The following DAB2 variants were observed in gnomAD, a reference collection of about 807,000 sequenced individuals.
DAB2 encodes the protein DAB adaptor protein 2.
Under a neutral mutation model 71.6 loss-of-function variants are expected in DAB2, and 28 were observed. The observed-to-expected ratio is 0.39, with a 90% CI of 0.29 to 0.54. DAB2 has a LOEUF of 0.54. Ranked by LOEUF, DAB2 falls within the 20% of genes least tolerant of loss-of-function variation. The pLI, the probability that DAB2 is intolerant of heterozygous loss-of-function variation, is 0.68. For missense variants in DAB2, 867 were observed against 928.8 expected (o/e 0.93, Z 0.86); for synonymous variants, 345 against 339.7 (o/e 1.02, Z -0.17).
intron 5 of DAB2, 137 bp downstream of exon 5, chr5:39,390,306 TA>T: frequency 8.8e-7 from 1 of 1,140,446 alleles, no homozygotes; most frequent in Non-Finnish European, 1.2e-6. Context: ...CATAGGCCAA[TA>T]AAAATAGTCA....
intron 1 of DAB2, among the ~76,000 whole-genome samples, chr5:39,419,953 A>G (rs1445716477): frequency 6.6e-6 from 1 of 152,188 alleles, no homozygotes; most frequent in East Asian, 1.9e-4. Context: ...AAGGAATTCA[A>G]ATACTTTGTT....
Position 39,377,169 on chromosome 5 carries a change from A to G in DAB2, c.1618T>C (p.Phe540Leu), listed in dbSNP as rs772951174. The stretch of plus-strand genomic sequence containing the variant: ...GTACCAAAAATGACGGGCTGACTAA[A>G]ACCTGAAGGTTGACCACCCATCATG... ...GAMMGGQPSG[F>L]SQPVIFGTSP... is the part of the protein sequence containing the mutation. The change falls in exon 12 of 15, where the codon TTT becomes CTT. Residue 540 changes from phenylalanine (F) to leucine (L), a missense_variant. Transcript: ENST00000320816. 6.2e-7 allele frequency: 1 copy of G among 1,614,124 alleles called. No individual in the cohort carries two copies.
chr5:39,398,384 G>T (rs868100556), intron 1 of DAB2, among the ~76,000 whole-genome samples: 10 of 152,246 alleles, frequency 6.6e-5, no homozygotes, highest in African/African-American at 2.2e-4. Flanking sequence ...TCTCTGTTCA[G>T]ATATTTAAAT....
intron 1 of DAB2, among the ~76,000 whole-genome samples, chr5:39,409,627 A>G (rs1016137253): frequency 2.6e-5 from 4 of 152,198 alleles, no homozygotes; most frequent in African/African-American, 9.7e-5. Flanking sequence ...ATCACCATTG[A>G]CTGGTCTACC....
intron 4 of DAB2, among the ~76,000 whole-genome samples, 198 bp from the exon 5 acceptor site, chr5:39,390,773 G>A (rs796567261): frequency 6.6e-6 from 1 of 152,122 alleles, no homozygotes; most frequent in Admixed American, 6.5e-5. Flanking sequence ...AATAGAAAAC[G>A]TAAGTGGGAA....
At chr5:39,385,237 T>C (rs1755073423) in intron 9 of DAB2, 3 of 152,204 alleles carry the variant, frequency 2.0e-5, no homozygotes, top group South Asian at 4.1e-4. Context: ...GGGATCTTTA[T>C]ACAATCAAAA....
chr5:39,404,357 C>G (rs1755564460), intron 1 of DAB2, among the ~76,000 whole-genome samples: 1 of 146,970 alleles, frequency 6.8e-6, no homozygotes, highest in Non-Finnish European at 1.5e-5. Context: ...AACTAACCTG[C>G]ACATTGTGCA....
intron 9 of DAB2, chr5:39,385,537 C>G (rs537436397): frequency 6.6e-6 from 1 of 152,364 alleles, no homozygotes; most frequent in African/African-American, 2.4e-5. Context: ...CCTCATCCAC[C>G]CACTTGGTCA....
At chr5:39,388,466 T>C in intron 8 of DAB2, 99 bp from the exon 9 acceptor site, 2 of 875,814 alleles carry the variant, frequency 2.3e-6, no homozygotes, top group Non-Finnish European at 3.7e-6. Context: ...AAAGTAGCTG[T>C]CACAATTTAA....
At chr5:39,414,658 T>C (rs1755807615) in intron 1 of DAB2, among the ~76,000 whole-genome samples, 1 of 142,782 alleles carries the variant, frequency 7.0e-6, no homozygotes, top group Non-Finnish European at 1.5e-5. Flanking sequence ...TGAGCAGATA[T>C]AAACTAGAAG....
Position 39,393,392 on chromosome 5 carries a change from G to T in DAB2, c.93C>A (p.Gly31=). The T allele has an allele frequency of 6.2e-7, 1 of 1,613,622 alleles. No individual in the cohort carries two copies. The highest frequency in any genetic ancestry group is 8.5e-7 in the Non-Finnish European group (1 of 1,179,844). The part of the protein sequence containing the change: ...KAPSKKEKKK[G]PEKTDEYLLA... ...AGAGATATTCATCTGTCTTTTCAGG[G>T]CCTGAGAAAAGAAAGGAATACAGGA... is the stretch of plus-strand genomic sequence containing the variant. The change falls in exon 3 of 15, where the codon GGC becomes GGA. Residue 31 remains glycine, a splice_region_variant and synonymous_variant. Coordinates refer to ENST00000320816, the MANE Select transcript of DAB2 (RefSeq NM_001343.4).
Position 39,375,019 on chromosome 5 carries a change from T to C in DAB2, c.2313A>G (p.Ter771=). Residue 771 remains the stop codon, a stop_retained_variant, in exon 14 of 15, where the codon TAA becomes TAG. Transcript: ENST00000320816. ...TATTAGGATCTTCTACTTACAGAAT[T>C]TAGGCAAAAGGATTTCCAAATGGAT... The part of the protein sequence containing the change: ...YRDPFGNPFA[*] The C allele has an allele frequency of 6.2e-7, 1 of 1,607,138 alleles. No individual in the cohort carries two copies.
At chr5:39,419,928 T>C (rs1417498152) in intron 1 of DAB2, among the ~76,000 whole-genome samples, 1 of 152,238 alleles carries the variant, frequency 6.6e-6, no homozygotes, top group Non-Finnish European at 1.5e-5. Flanking sequence ...TTTTGCTTTA[T>C]TATCTCCATG....
intron 7 of DAB2, 58 bp from the exon 8 acceptor site, chr5:39,388,910 G>T: frequency 2.7e-6 from 4 of 1,461,338 alleles, no homozygotes; most frequent in South Asian, 2.3e-5. Flanking sequence ...AAATGTATTT[G>T]TCCACTCTAT....
rs1756008280 is a variant in DAB2 at position 39,422,285 on chromosome 5, G to T, written c.-102+2519C>A. 6.6e-6 allele frequency among the ~76,000 whole-genome samples: 1 copy of T among 152,058 alleles called. No homozygotes were observed. The highest frequency in any genetic ancestry group is 2.4e-5 in the African/African-American group (1 of 41,386). On this transcript the variant is annotated intron_variant, in intron 1 of 14. Transcript: ENST00000320816. This position sits in a 1 kb window ranked among gnomAD's most constrained non-coding sequence, Gnocchi z 4.1. ...AAAGGGTAAAAAACCTTATGTGTTT[G>T]GTTAGTTACCTAAACCTTCCTGGCC...
chr5:39,376,933 A>G lies in DAB2; in HGVS notation c.1854T>C (p.Thr618=). The G allele has an allele frequency of 6.8e-6, 11 of 1,614,082 alleles. No individual in the cohort carries two copies. Among genetic ancestry groups the G allele is most frequent in the Non-Finnish European group, 9.3e-6 (11 of 1,180,008 alleles). ...PPSMHSSLLV[T]PPQPPPRAGP... ...CAGCTCTGGGAGGTGGCTGAGGAGG[A>G]GTGACCAGGAGAGAGGAGTGCATGG... is the stretch of plus-strand genomic sequence containing the variant. The change falls in exon 12 of 15, where the codon ACT becomes ACC. Residue 618 remains threonine (T), a synonymous_variant. Coordinates refer to ENST00000320816, the MANE Select transcript of DAB2 (RefSeq NM_001343.4).
At chr5:39,409,967 G>A (rs570898553) in intron 1 of DAB2, among the ~76,000 whole-genome samples, 61 of 152,128 alleles carry the variant, frequency 4.0e-4, no homozygotes, top group African/African-American at 1.4e-3. Context: ...AAGAACACAA[G>A]GACAGATCTC....
At chr5:39,399,202 G>A (rs931955050) in intron 1 of DAB2, among the ~76,000 whole-genome samples, 2 of 152,114 alleles carry the variant, frequency 1.3e-5, no homozygotes, top group African/African-American at 2.4e-5. Flanking sequence ...TTTCTCACTC[G>A]TTGGGTGTAG....
At position 39,381,465 on chromosome 5, in the gene DAB2, A is replaced by G; in HGVS notation, c.1493T>C (p.Leu498Pro). ...CTCTAGGCACCTACCTAGACCCACC[A>G]GGGGCCCCACTGGGGCAGGAGCACT... ...KTSAPAPVGP[L>P]VGLGGVTVTL... Residue 498 changes from leucine to proline, a missense_variant, in exon 11 of 15, where the codon CTG becomes CCG. This residue lies in a region of DAB2 where 740 missense variants were observed against 734.3 expected (regional missense o/e 1.01). Coordinates refer to ENST00000320816, the MANE Select transcript of DAB2 (RefSeq NM_001343.4). 1.2e-6 allele frequency: 2 copies of G among 1,613,928 alleles called. No homozygotes were observed. Among genetic ancestry groups the G allele is most frequent in the Non-Finnish European group, 1.7e-6 (2 of 1,179,906 alleles).
Sources: allele counts gnomAD v4.1 joint callset (sites outside exome capture counted in the v4.1 genomes callset), GRCh38; gene constraint gnomAD v4.1.1; regional missense constraint gnomAD v4.1.1; non-coding constraint Gnocchi (gnomAD v3.1); transcripts MANE v1.5; gene names NCBI Gene and HGNC (gene_info 2026-07-23, HGNC 2026-07-21).